AK1: variants seen among roughly 807,000 people sequenced by gnomAD.
AK1 encodes adenylate kinase 1.
A neutral mutation model predicts 23.9 loss-of-function variants in AK1; 13 were observed. That is an observed-to-expected ratio of 0.54 (90% CI 0.35 to 0.86). AK1 has a LOEUF of 0.86. Among genes scored for constraint, AK1 ranks in the 40% least tolerant of loss-of-function variants. AK1 has a pLI of 0.01. For missense variants in AK1, 214 were observed against 255.1 expected (o/e 0.84, Z 1.10); for synonymous variants, 97 against 102.8 (o/e 0.94, Z 0.34).
chr9:127,874,546 G>A (rs1588618965), intron 2 of AK1, 65 bp downstream of exon 2: 5 of 1,611,642 alleles, frequency 3.1e-6, no homozygotes, highest in Admixed American at 1.7e-5. Context: ...CCCTGAGAGC[G>A]CACCCCCTTA....
chr9:127,876,995 A>G (rs1383853770), intron 1 of AK1, among the ~76,000 whole-genome samples: 14 of 152,198 alleles, frequency 9.2e-5, no homozygotes, highest in Admixed American at 9.2e-4. Flanking sequence ...GCAACTGACT[A>G]GGGTTCGAAT....
rs1410615076 is a variant in AK1 at position 127,871,748 on chromosome 9, G to A, written c.324+75C>T. The A allele has an allele frequency of 1.8e-5, 22 of 1,256,476 alleles. No individual in the cohort carries two copies. The highest frequency in any genetic ancestry group is 3.7e-4 in the Middle Eastern group (2 of 5,400). The allele number at this position is 1,256,476 out of a possible 1,614,324, so 77.8% of individuals were successfully genotyped here. ...AACTCTGACCTGCATCACAGCCCCC[G>A]CAGGCCCGCCCATGGGGATGGGAGT... On this transcript the variant is annotated intron_variant, in intron 5 of 6. Transcript: ENST00000644144. This position sits in a 1 kb window ranked among gnomAD's most constrained non-coding sequence, Gnocchi z 4.4.
intron 5 of AK1, among the ~76,000 whole-genome samples, chr9:127,870,838 T>TGGGAATGGGGCAC (rs1564472285): frequency 2.3e-4 from 18 of 78,796 alleles, no homozygotes; most frequent in African/African-American, 6.7e-4. Flanking sequence ...GAATGGGGCA[T>TGGGAATGGGGCAC]GGGGATGGGA....
Position 127,867,736 on chromosome 9 carries a change from T to C in AK1, c.*272A>G. On this transcript the variant is annotated 3_prime_UTR_variant, in exon 7 of 7. Transcript: ENST00000644144. ...GGAGGGGTGGCTGGCAAAGGGAGGC[T>C]GAGGAGGAACGGAGGGTTGAGGGGC... 1 of 445,560 alleles carries C rather than the reference T, an allele frequency of 2.2e-6. No individual in the cohort carries two copies. The highest frequency in any genetic ancestry group is 2.2e-5 in the South Asian group (1 of 45,024). The allele number at this position is 445,560 out of a possible 1,614,324, so 27.6% of individuals were successfully genotyped here.
At chr9:127,873,360 T>C in intron 2 of AK1, 1 of 1,564,186 alleles carries the variant, frequency 6.4e-7, no homozygotes, top group Non-Finnish European at 8.6e-7. Flanking sequence ...TCATGGCGCC[T>C]CCCTGTGGGT....
Position 127,868,524 on chromosome 9 carries a change from C to A in AK1, c.325-12G>T. The stretch of plus-strand genomic sequence containing the variant: ...GTGGGCTGTCCAATCTGCAGGCGGG[C>A]ACCATGTCACAGGGACCCCATTCCT... On this transcript the variant is annotated splice_polypyrimidine_tract_variant and intron_variant, in intron 5 of 6. Coordinates refer to ENST00000644144, the MANE Select transcript of AK1 (RefSeq NM_000476.3). The surrounding 1 kb of genome is among the most constrained non-coding windows in gnomAD (Gnocchi z 4.1). 6.4e-7 allele frequency: 1 copy of A among 1,566,978 alleles called. No individual in the cohort carries two copies. Among genetic ancestry groups the A allele is most frequent in the Non-Finnish European group, 8.7e-7 (1 of 1,155,612 alleles).
In AK1 at chr9:127,871,950, G is replaced by A. The variant is rs1238807197; in HGVS notation, c.208-11C>T. The A allele has an allele frequency of 6.2e-7, 1 of 1,607,144 alleles. No homozygotes were observed. ...GTCCAACACTGTCTCCTGGGGCACA[G>A]CAAAGGAGGAAGGGGCCATGAGCCT... On this transcript the variant is annotated splice_polypyrimidine_tract_variant and intron_variant, in intron 4 of 6. Coordinates refer to ENST00000644144, the MANE Select transcript of AK1 (RefSeq NM_000476.3). The surrounding 1 kb of genome is among the most constrained non-coding windows in gnomAD (Gnocchi z 4.4).
At chr9:127,870,678 C>G (rs974163561) in intron 5 of AK1, among the ~76,000 whole-genome samples, 13 of 152,134 alleles carry the variant, frequency 8.5e-5, no homozygotes, top group Admixed American at 5.2e-4. Context: ...AGGTGAGGGG[C>G]AGAGTGGGGT....
rs539299705 is a variant in AK1, at chr9:127,869,257, C to T, written c.325-745G>A. Among the ~76,000 whole-genome samples, 265 of 152,302 alleles carry T rather than the reference C, an allele frequency of 1.7e-3. 1 individual carries two copies. The highest frequency in any genetic ancestry group is 6.2e-3 in the African/African-American group (258 of 41,578). On this transcript the variant is annotated intron_variant, in intron 5 of 6. Coordinates refer to ENST00000644144, the MANE Select transcript of AK1 (RefSeq NM_000476.3). ...CTGCCTGGTTGGGAGGGCAGAGCCA[C>T]CCCAGAGTCACCCATGACTGCCACA...
chr9:127,869,017 G>C (rs533255428), intron 5 of AK1, among the ~76,000 whole-genome samples: 3 of 152,290 alleles, frequency 2.0e-5, no homozygotes, highest in Admixed American at 1.3e-4. Context: ...AAGGGCCCCT[G>C]AGGGCAGGGA....
At chr9:127,875,211 T>C (rs1425137752) in intron 1 of AK1, among the ~76,000 whole-genome samples, 3 of 151,896 alleles carry the variant, frequency 2.0e-5, no homozygotes, top group Non-Finnish European at 4.4e-5. Context: ...TTTACAGTTG[T>C]CAAAGTGAGG....
At chr9:127,875,823 C>T (rs942122444) in intron 1 of AK1, among the ~76,000 whole-genome samples, 1 of 152,154 alleles carries the variant, frequency 6.6e-6, no homozygotes, top group Non-Finnish European at 1.5e-5. Flanking sequence ...CCCTCCCCTC[C>T]CCAGGCTCTC....
At chr9:127,873,332 G>T in intron 2 of AK1, 1 of 1,543,288 alleles carries the variant, frequency 6.5e-7, no homozygotes, top group African/African-American at 1.4e-5. Context: ...CACAGCCAGC[G>T]GGCTGGGCCG....
chr9:127,876,499 C>A (rs2131415291), intron 1 of AK1, among the ~76,000 whole-genome samples: 1 of 152,318 alleles, frequency 6.6e-6, no homozygotes, highest in East Asian at 1.9e-4. Context: ...TGCTGATGCC[C>A]CTGCTGCCCC....
chr9:127,871,972 G>A lies in AK1; in HGVS notation c.208-33C>T. Reference sequence around the variant, plus strand: ...ACAGCAAAGGAGGAAGGGGCCATGAGCCTCTCCTCCCCATCCCTTCTCCCA... The same window carrying A: ...ACAGCAAAGGAGGAAGGGGCCATGAACCTCTCCTCCCCATCCCTTCTCCCA... On this transcript the variant is annotated intron_variant, in intron 4 of 6. Coordinates refer to ENST00000644144, the MANE Select transcript of AK1 (RefSeq NM_000476.3). The surrounding 1 kb of genome is among the most constrained non-coding windows in gnomAD (Gnocchi z 4.4). 5 of 1,554,176 alleles carry A rather than the reference G, an allele frequency of 3.2e-6. No homozygotes were observed. The South Asian group carries it at 4.5e-5, about 14-fold the overall frequency.
rs1464623640 is a variant in AK1 at position 127,877,337 on chromosome 9, G to A, written c.-33+286C>T. ...AGGGCAGTGACCTGGAGCCCCGGGA[G>A]TGCCAGCCAGAACAAAGGGGTGACT... is the stretch of plus-strand genomic sequence containing the variant. On this transcript the variant is annotated intron_variant, in intron 1 of 6. Coordinates refer to ENST00000644144, the MANE Select transcript of AK1 (RefSeq NM_000476.3). This position sits in a 1 kb window ranked among gnomAD's most constrained non-coding sequence, Gnocchi z 5.2. Among the ~76,000 whole-genome samples the A allele has an allele frequency of 1.3e-5, 2 of 152,118 alleles. No homozygotes were observed. The highest frequency in any genetic ancestry group is 2.9e-5 in the Non-Finnish European group (2 of 67,994).
intron 5 of AK1, among the ~76,000 whole-genome samples, chr9:127,870,200 C>CTT (rs36059128): frequency 0.059 from 7,215 of 122,192 alleles, 416 homozygotes; most frequent in Middle Eastern, 0.087. Context: ...AGGGTGGGGA[C>CTT]TTTTTTTTTT....
intron 2 of AK1, chr9:127,874,367 T>C: frequency 2.0e-6 from 2 of 985,356 alleles, no homozygotes; most frequent in Non-Finnish European, 2.4e-6. Context: ...AAACCCAGCA[T>C]AGGGGGTGTG....
chr9:127,873,994 G>T (rs1364478419), intron 2 of AK1: 2 of 985,450 alleles, frequency 2.0e-6, no homozygotes, highest in Non-Finnish European at 2.4e-6. Context: ...TATCCCGGGG[G>T]TGCAGTGGCC....
Sources: gnomAD v4.1 joint callset for allele counts (sites outside exome capture counted in the v4.1 genomes callset) on GRCh38, gnomAD v4.1.1 for gene constraint, Gnocchi (gnomAD v3.1) non-coding constraint, MANE v1.5 for transcripts, NCBI Gene and HGNC (gene_info 2026-07-23, HGNC 2026-07-21) for gene names.